Variants in TTL observed in about 807,000 individuals in gnomAD.
TTL encodes the protein tubulin tyrosine ligase, also known as tubulin--tyrosine ligase.
Under a neutral mutation model 41.1 loss-of-function variants are expected in TTL, and 10 were observed. That is an observed-to-expected ratio of 0.24 (90% CI 0.15 to 0.41). The LOEUF (loss-of-function observed/expected upper bound fraction) is 0.41, where lower values mean the gene tolerates loss of function less well. Ranked by LOEUF, TTL falls within the 10% of genes least tolerant of loss-of-function variation. The pLI, the probability that TTL is intolerant of heterozygous loss-of-function variation, is 1.00. For missense variants in TTL, 367 were observed against 460.4 expected, an observed-to-expected ratio of 0.80 and a Z score of 1.86; for synonymous variants, 175 against 175.5, an observed-to-expected ratio of 1.00 and a Z score of 0.02.
At chr2:112,519,928 C>T (rs62157537) in intron 5 of TTL, among the ~76,000 whole-genome samples, 25,237 of 151,804 alleles carry the variant, frequency 0.17, 2,358 homozygotes, top group East Asian at 0.3. Context: ...GTCGGGAGTT[C>T]GAGACCAGCC....
At chr2:112,519,302 C>G (rs1235223732) in intron 5 of TTL, among the ~76,000 whole-genome samples, 1 of 152,170 alleles carries the variant, frequency 6.6e-6, no homozygotes, top group Non-Finnish European at 1.5e-5. Context: ...ATGTAATTAT[C>G]TCACTGAACA....
Position 112,503,094 on chromosome 2 carries a change from T to C in TTL, c.788T>C (p.Phe263Ser). 6.2e-7 allele frequency: 1 copy of C among 1,613,822 alleles called. No individual in the cohort carries two copies. The change falls in exon 5 of 7, where the codon TTC (phenylalanine) becomes TCC (serine). Residue 263 changes from phenylalanine to serine, a missense_variant. Transcript: ENST00000233336. ...YGKYEEGNEM[F>S]FKEFNQYLTS... ...AAGTATGAAGAAGGAAATGAAATGT[T>C]CTTCAAGGAGTTCAATCAGTACCTA... is the stretch of plus-strand genomic sequence containing the variant.
rs2104486014 is a variant in TTL, at chr2:112,535,402, T to G, written c.*6607T>G. On this transcript the variant is annotated 3_prime_UTR_variant, in exon 7 of 7. Coordinates refer to ENST00000233336, the MANE Select transcript of TTL (RefSeq NM_153712.5). ...GGGATAAAACATATACTGGAAGAAA[T>G]AGTGGCCAAAACCTTTCCCACTTTG... 1 of 152,056 alleles carries G rather than the reference T, an allele frequency of 6.6e-6. No homozygotes were observed. The highest frequency in any genetic ancestry group is 1.5e-5 in the Non-Finnish European group (1 of 67,982). 9.4% of individuals were successfully genotyped at this position (152,056 alleles called of 1,614,324 possible). A position where few individuals can be genotyped will look rare whatever the true frequency, so the allele number is the denominator to read the frequency against.
chr2:112,485,529 C>T (rs180801939), intron 1 of TTL, among the ~76,000 whole-genome samples: 1 of 152,232 alleles, frequency 6.6e-6, no homozygotes, highest in African/African-American at 2.4e-5. Flanking sequence ...ATGTGGAAAG[C>T]GTGACTGTTA....
At chr2:112,514,815 T>A (rs552079464) in intron 5 of TTL, among the ~76,000 whole-genome samples, 163 of 152,346 alleles carry the variant, frequency 1.1e-3, no homozygotes, top group African/African-American at 3.8e-3. Flanking sequence ...ATTCTCCTCT[T>A]CTTCTAGGTC....
rs146770590 is a variant in TTL, at chr2:112,535,639, A to G, written c.*6844A>G. The G allele has an allele frequency of 1.3e-5, 2 of 152,338 alleles. No homozygotes were observed. Among genetic ancestry groups the G allele is most frequent in the African/African-American group, 4.8e-5 (2 of 41,592 alleles). 9.4% of individuals were successfully genotyped at this position (152,338 alleles called of 1,614,324 possible). The stretch of plus-strand genomic sequence containing the variant: ...AGGAGAAAAAAAAGGCAAGAGGCCT[A>G]AAGAAACCAACAGTAAAATGGTAGA... On this transcript the variant is annotated 3_prime_UTR_variant, in exon 7 of 7. Coordinates refer to ENST00000233336, the MANE Select transcript of TTL (RefSeq NM_153712.5).
Position 112,528,697 on chromosome 2 carries a change from C to T in TTL, c.1036C>T (p.Leu346=), listed in dbSNP as rs377061169. Residue 346 remains leucine (L), a synonymous_variant, in exon 7 of 7, where the codon CTG becomes TTG. Coordinates refer to ENST00000233336, the MANE Select transcript of TTL (RefSeq NM_153712.5). ...PACAQKLYAE[L]CQGIVDIAIS... ...ACATTTCAGGAAGCTCTATGCAGAA[C>T]TGTGCCAAGGCATCGTGGACATAGC... 6.8e-6 allele frequency: 11 copies of T among 1,613,926 alleles called. No homozygotes were observed. The highest frequency in any genetic ancestry group is 1.1e-5 in the South Asian group (1 of 91,086).
intron 5 of TTL, among the ~76,000 whole-genome samples, chr2:112,515,948 GAATAAATA>G (rs59842188): frequency 0.39 from 57,006 of 144,784 alleles, 12,088 homozygotes; most frequent in Middle Eastern, 0.56. Context: ...CTCCATCTCA[GAATAAATA>G]AATAAATAAA....
At chr2:112,521,963 CAGT>C (rs1179244937) in intron 6 of TTL, among the ~76,000 whole-genome samples, 1 of 152,196 alleles carries the variant, frequency 6.6e-6, no homozygotes, top group African/African-American at 2.4e-5. Flanking sequence ...ACCAAATCAA[CAGT>C]GGTGTGCCCA....
At chr2:112,520,225 T>C in intron 5 of TTL, 57 bp from the exon 6 acceptor site, 1 of 1,597,474 alleles carries the variant, frequency 6.3e-7, no homozygotes, top group Non-Finnish European at 8.6e-7. Context: ...ACACCTCATG[T>C]CTTCCTTCTC....
At chr2:112,513,223 A>AT (rs1303705319) in intron 5 of TTL, among the ~76,000 whole-genome samples, 1 of 152,120 alleles carries the variant, frequency 6.6e-6, no homozygotes, top group Non-Finnish European at 1.5e-5. Flanking sequence ...AGGTTGGATT[A>AT]TTTTTAAACT....
chr2:112,515,947 A>AGAAT (rs1370233519), intron 5 of TTL, among the ~76,000 whole-genome samples: 2 of 124,298 alleles, frequency 1.6e-5, no homozygotes, highest in African/African-American at 3.2e-5. Flanking sequence ...ACTCCATCTC[A>AGAAT]GAATAAATAA....
chr2:112,538,933 T>C lies in TTL; in HGVS notation c.*10138T>C, dbSNP rs897485458. The C allele has an allele frequency of 5.3e-5, 8 of 151,628 alleles. No individual in the cohort carries two copies. Among genetic ancestry groups the C allele is most frequent in the East Asian group, 3.9e-4 (2 of 5,158 alleles). 9.4% of individuals were successfully genotyped at this position (151,628 alleles called of 1,614,324 possible). On this transcript the variant is annotated 3_prime_UTR_variant, in exon 7 of 7. Transcript: ENST00000233336. The stretch of plus-strand genomic sequence containing the variant: ...GAGATCAAGACCATCCTGGCTAATA[T>C]GGTGAAACCCCGTCTCCACTAAAAA...
chr2:112,539,354 GT>G lies in TTL; in HGVS notation c.*10566del, dbSNP rs915013513. The G allele has an allele frequency of 6.6e-6, 1 of 150,946 alleles. No individual in the cohort carries two copies. Among genetic ancestry groups the G allele is most frequent in the Non-Finnish European group, 1.5e-5 (1 of 67,882 alleles). 9.4% of individuals were successfully genotyped at this position (150,946 alleles called of 1,614,324 possible). On this transcript the variant is annotated 3_prime_UTR_variant, in exon 7 of 7. Coordinates refer to ENST00000233336, the MANE Select transcript of TTL (RefSeq NM_153712.5). ...AGAAGGGGAAAAGAAAGAATGCAAG[GT>G]TTTTTTAACATACAAAATTTACTTA...
In TTL at chr2:112,540,426, CAAAAAACA is replaced by C. The variant is rs1682692232; in HGVS notation, c.*11638_*11645del. 2.5e-5 allele frequency: 1 copy of C among 39,606 alleles called. No individual in the cohort carries two copies. The highest frequency in any genetic ancestry group is 6.1e-5 in the African/African-American group (1 of 16,498). 2.5% of individuals were successfully genotyped at this position (39,606 alleles called of 1,614,324 possible). ...AGAGCAAAACTCTGTCTCAAAAAAACAAAAAACAAAAAAAAAAAAAAAAGAGAAAGAAA... is the reference window on the plus strand; with the variant it reads ...AGAGCAAAACTCTGTCTCAAAAAAACAAAAAAAAAAAAAAAGAGAAAGAAA... On this transcript the variant is annotated 3_prime_UTR_variant, in exon 7 of 7. Transcript: ENST00000233336.
intron 5 of TTL, among the ~76,000 whole-genome samples, chr2:112,517,156 C>CA (rs33990458): frequency 0.043 from 4,545 of 105,184 alleles, 119 homozygotes; most frequent in African/African-American, 0.078. Flanking sequence ...GAGCTTTCAG[C>CA]AAAAAAAAAA....
At chr2:112,486,117 G>A in intron 2 of TTL, 122 bp downstream of exon 2, 2 of 999,478 alleles carry the variant, frequency 2.0e-6, no homozygotes, top group South Asian at 3.1e-5. Context: ...CAGTTCAGAA[G>A]CTTCCTCTAA....
chr2:112,503,686 A>G (rs1371496287), intron 5 of TTL, among the ~76,000 whole-genome samples: 1 of 118,554 alleles, frequency 8.4e-6, no homozygotes, highest in Non-Finnish European at 1.8e-5. Context: ...TTTAATCAAT[A>G]GTTTTCTTTA....
rs1014912562 is a variant in TTL at position 112,539,052 on chromosome 2, G to T, written c.*10257G>T. 1 of 150,624 alleles carries T rather than the reference G, an allele frequency of 6.6e-6. No homozygotes were observed. Among genetic ancestry groups the T allele is most frequent in the East Asian group, 1.9e-4 (1 of 5,160 alleles). 9.3% of individuals were successfully genotyped at this position (150,624 alleles called of 1,614,324 possible). ...GAATCACTTGAACCTGGAAGGCGGA[G>T]GTTGCAGTGAGCCGAGATTGCGCCA... is the stretch of plus-strand genomic sequence containing the variant. On this transcript the variant is annotated 3_prime_UTR_variant, in exon 7 of 7. Transcript: ENST00000233336.
Sources: allele counts gnomAD v4.1 joint callset (sites outside exome capture counted in the v4.1 genomes callset), GRCh38; gene constraint gnomAD v4.1.1; transcripts MANE v1.5; gene names NCBI Gene and HGNC (gene_info 2026-07-23, HGNC 2026-07-21).